Variants in SNX14 observed in about 807,000 individuals in gnomAD.
The protein encoded by SNX14 is sorting nexin 14.
In SNX14, 93 loss-of-function variants were observed where a neutral mutation model predicts 133.8. The observed-to-expected ratio is 0.70, with a 90% CI of 0.59 to 0.83. The LOEUF (loss-of-function observed/expected upper bound fraction) is 0.83, where lower values mean the gene tolerates loss of function less well. Among genes scored for constraint, SNX14 ranks in the 40% least tolerant of loss-of-function variants. SNX14 has a pLI of 0.00. For synonymous variants in SNX14, 368 were observed against 365.6 expected (o/e 1.01, Z -0.07); for missense variants, 945 against 1,094.9 (o/e 0.86, Z 1.93).
intron 21 of SNX14, among the ~76,000 whole-genome samples, chr6:85,522,808 G>C (rs940511582): frequency 6.6e-6 from 1 of 152,118 alleles, no homozygotes; most frequent in East Asian, 1.9e-4. Flanking sequence ...TCACTCTCTT[G>C]CATGTACTGT....
At chr6:85,520,294 C>T (rs1346074911) in intron 21 of SNX14, among the ~76,000 whole-genome samples, 9 of 151,564 alleles carry the variant, frequency 5.9e-5, no homozygotes, top group East Asian at 3.9e-4. Context: ...CCACCCACCT[C>T]GGCCTCCTAA....
At chr6:85,535,179 C>G (rs1781533621) in intron 17 of SNX14, among the ~76,000 whole-genome samples, 1 of 151,814 alleles carries the variant, frequency 6.6e-6, no homozygotes, top group East Asian at 1.9e-4. Flanking sequence ...TCACACCCAG[C>G]TAATTTTTTA....
At position 85,547,377 on chromosome 6, in the gene SNX14, C is replaced by T. The variant is rs760489450; in HGVS notation, c.933G>A (p.Pro311=). 15 of 1,613,480 alleles carry T rather than the reference C, an allele frequency of 9.3e-6. No individual in the cohort carries two copies. The highest frequency in any genetic ancestry group is 6.7e-5 in the Admixed American group (4 of 59,934). ...GCAAGAATGGAACCAAAGGAGAAGC[C>T]GGTTCAGTTGCTTTTTCAGGCTTTG... ...DDSPPEKATE[P]ASPLVPFLQK... is the part of the protein sequence containing the mutation. The change falls in exon 11 of 29, where the codon CCG becomes CCA. Residue 311 remains proline, a synonymous_variant. Coordinates refer to ENST00000314673, the MANE Select transcript of SNX14 (RefSeq NM_153816.6).
intron 21 of SNX14, among the ~76,000 whole-genome samples, chr6:85,523,044 A>G (rs981647053): frequency 6.6e-6 from 1 of 152,226 alleles, no homozygotes; most frequent in Non-Finnish European, 1.5e-5. Context: ...GTAATATGGA[A>G]GGGCATTTAA....
At chr6:85,519,412 T>C (rs964476386) in intron 21 of SNX14, among the ~76,000 whole-genome samples, 3 of 152,164 alleles carry the variant, frequency 2.0e-5, no homozygotes, top group Admixed American at 6.5e-5. Flanking sequence ...GGTGGAAAGA[T>C]CAATTGAGGA....
At position 85,558,062 on chromosome 6, in the gene SNX14, TAGAAAA is replaced by T; in HGVS notation, c.550-8_550-3del. The stretch of plus-strand genomic sequence containing the variant: ...GGTTATAATAGATGGAATATCCACC[TAGAAAA>T]ATTCAAGATTAAAACTTTTAAAATA... On this transcript the variant is annotated splice_region_variant and splice_polypyrimidine_tract_variant and intron_variant, in intron 6 of 28. Coordinates refer to ENST00000314673, the MANE Select transcript of SNX14 (RefSeq NM_153816.6). 1 of 1,483,534 alleles carries T rather than the reference TAGAAAA, an allele frequency of 6.7e-7. No homozygotes were observed. The highest frequency in any genetic ancestry group is 9.3e-7 in the Non-Finnish European group (1 of 1,072,042). The allele number at this position is 1,483,534 out of a possible 1,614,324, so 91.9% of individuals were successfully genotyped here.
At chr6:85,508,202 TAA>T (rs772470753) in intron 26 of SNX14, 143 bp from the exon 27 acceptor site, 141 of 1,352,398 alleles carry the variant, frequency 1.0e-4, no homozygotes, top group Admixed American at 3.0e-4. Context: ...AGTGTTTCTA[TAA>T]GAGGCTCCTG....
chr6:85,507,027 A>G (rs1394401023), intron 28 of SNX14, among the ~76,000 whole-genome samples: 1 of 152,202 alleles, frequency 6.6e-6, no homozygotes, highest in East Asian at 1.9e-4. Context: ...GGATGAAGTC[A>G]AAGCAGAAGC....
At chr6:85,561,987 T>C (rs1791805935) in intron 6 of SNX14, among the ~76,000 whole-genome samples, 1 of 152,164 alleles carries the variant, frequency 6.6e-6, no homozygotes, top group East Asian at 1.9e-4. Flanking sequence ...TTTTTTATCC[T>C]AATCCTCCTC....
At chr6:85,510,728 C>G (rs146647568) in intron 26 of SNX14, among the ~76,000 whole-genome samples, 235 of 152,318 alleles carry the variant, frequency 1.5e-3, no homozygotes, top group African/African-American at 5.0e-3. Flanking sequence ...ATGTTATCCT[C>G]TAAGTTTTAC....
chr6:85,536,196 C>T (rs1358193732), intron 17 of SNX14, among the ~76,000 whole-genome samples: 2 of 152,070 alleles, frequency 1.3e-5, no homozygotes, highest in East Asian at 3.8e-4. Flanking sequence ...TATGAATTTT[C>T]TAGGTCAATA....
chr6:85,511,655 A>G (rs1034264769), intron 26 of SNX14, among the ~76,000 whole-genome samples: 10 of 152,334 alleles, frequency 6.6e-5, no homozygotes, highest in African/African-American at 2.4e-4. Context: ...TGCTATGATC[A>G]TGATTTTTCT....
intron 4 of SNX14, chr6:85,568,502 A>C (rs1471721469): frequency 1.3e-5 from 2 of 152,250 alleles, no homozygotes; most frequent in African/African-American, 2.4e-5. Context: ...AAATCAGTAC[A>C]TAAGTTATAT....
intron 18 of SNX14, among the ~76,000 whole-genome samples, chr6:85,531,910 C>T (rs1485255263): frequency 6.6e-6 from 1 of 152,030 alleles, no homozygotes; most frequent in East Asian, 1.9e-4. Flanking sequence ...CACCTATAGT[C>T]CCAGCTACTC....
intron 12 of SNX14, among the ~76,000 whole-genome samples, chr6:85,544,120 G>C (rs897943144): frequency 6.6e-6 from 1 of 151,994 alleles, no homozygotes; most frequent in Non-Finnish European, 1.5e-5. Flanking sequence ...TAAAAATGAA[G>C]ACTTTTTTTA....
At chr6:85,550,368 T>C (rs776637708) in intron 7 of SNX14, among the ~76,000 whole-genome samples, 5 of 152,286 alleles carry the variant, frequency 3.3e-5, no homozygotes, top group Middle Eastern at 3.4e-3. Context: ...TAATAGCAAA[T>C]GATTAAGTGG....
rs1340762874 is a variant in SNX14, at chr6:85,505,554, C to T, written c.*413G>A. The T allele has an allele frequency of 5.5e-6, 1 of 180,712 alleles. No individual in the cohort carries two copies. The highest frequency in any genetic ancestry group is 1.1e-5 in the Non-Finnish European group (1 of 88,558). The allele number at this position is 180,712 out of a possible 1,614,324, so 11.2% of individuals were successfully genotyped here. A position where few individuals can be genotyped will look rare whatever the true frequency, so the allele number is the denominator to read the frequency against. On this transcript the variant is annotated 3_prime_UTR_variant, in exon 29 of 29. Coordinates refer to ENST00000314673, the MANE Select transcript of SNX14 (RefSeq NM_153816.6). ...TTATAGATACACAGTTAACTATGTACAAAATAAAAAAAAGGAAAACCAATC... is the reference window on the plus strand; with the variant it reads ...TTATAGATACACAGTTAACTATGTATAAAATAAAAAAAAGGAAAACCAATC...
intron 26 of SNX14, among the ~76,000 whole-genome samples, chr6:85,511,689 T>TG (rs1772876162): frequency 6.6e-6 from 1 of 152,246 alleles, no homozygotes; most frequent in African/African-American, 2.4e-5. Context: ...GATGTGATGA[T>TG]GGACTACCTT....
chr6:85,513,781 T>C lies in SNX14; in HGVS notation c.2653+19A>G. ...ACTGCTAATCTATATGAAATTAAGT[T>C]ACTTCTTAAATATTACACCTGGAAT... On this transcript the variant is annotated intron_variant, in intron 26 of 28. Coordinates refer to ENST00000314673, the MANE Select transcript of SNX14 (RefSeq NM_153816.6). The C allele has an allele frequency of 6.4e-7, 1 of 1,559,164 alleles. No individual in the cohort carries two copies. The highest frequency in any genetic ancestry group is 8.8e-7 in the Non-Finnish European group (1 of 1,134,334).
Sources: allele counts gnomAD v4.1 joint callset (sites outside exome capture counted in the v4.1 genomes callset), GRCh38; gene constraint gnomAD v4.1.1; transcripts MANE v1.5; gene names NCBI Gene and HGNC (gene_info 2026-07-23, HGNC 2026-07-21).